VWA8: variants seen among roughly 807,000 people sequenced by gnomAD.
VWA8 encodes von Willebrand factor A domain containing 8.
In VWA8, 221 loss-of-function variants were observed where a neutral mutation model predicts 241.5. The observed-to-expected ratio is 0.91, with a 90% CI of 0.82 to 1.02. The LOEUF is 1.02. Ranked by LOEUF, VWA8 falls within the 50% of genes least tolerant of loss-of-function variation. The pLI is 0.00. For missense variants in VWA8, 2,322 were observed against 2,328.7 expected (o/e 1.00, Z 0.06); for synonymous variants, 852 against 827.1 (o/e 1.03, Z -0.52).
At chr13:41,718,555 T>G (rs923214257) in intron 26 of VWA8, among the ~76,000 whole-genome samples, 1 of 151,926 alleles carries the variant, frequency 6.6e-6, no homozygotes, top group African/African-American at 2.4e-5. Context: ...ATCTTATTCT[T>G]TTAACACAGA....
rs1214300709 is a variant in VWA8 at position 41,620,887 on chromosome 13, T to C, written c.4612-5803A>G. ...TCAAGTAAGTTCTCCGGACCTTCAT[T>C]TTCACATCAGAAACTAAGGAGGTTA... is the stretch of plus-strand genomic sequence containing the variant. On this transcript the variant is annotated intron_variant, in intron 37 of 44. Coordinates refer to ENST00000379310, the MANE Select transcript of VWA8 (RefSeq NM_015058.2). Among the ~76,000 whole-genome samples the C allele has an allele frequency of 2.6e-5, 4 of 152,328 alleles. 1 individual carries two copies. In the East Asian group the frequency reaches 7.7e-4, roughly 29 times the overall value.
Position 41,692,848 on chromosome 13 carries a change from G to A in VWA8, c.3675+14C>T, listed in dbSNP as rs764795370. The A allele has an allele frequency of 1.3e-6, 2 of 1,586,394 alleles. No individual in the cohort carries two copies. The highest frequency in any genetic ancestry group is 1.7e-6 in the Non-Finnish European group (2 of 1,156,930). ...ATCCTTGGCAATTTGTGGGACAAAT[G>A]TGGTGTTTCTTACAGCTTCTTCTTT... On this transcript the variant is annotated intron_variant, in intron 30 of 44. Transcript: ENST00000379310.
chr13:41,866,845 C>G (rs3904327), intron 10 of VWA8, among the ~76,000 whole-genome samples: 13,351 of 152,216 alleles, frequency 0.088, 712 homozygotes, highest in African/African-American at 0.15. Context: ...TAGTTTACCA[C>G]TGAGAGGCAT....
At chr13:41,795,808 G>A (rs1172322886) in intron 17 of VWA8, among the ~76,000 whole-genome samples, 3 of 152,080 alleles carry the variant, frequency 2.0e-5, no homozygotes, top group Non-Finnish European at 2.9e-5. Flanking sequence ...GGGCGGGTAG[G>A]GGGAGAGCAT....
chr13:41,848,559 G>A (rs1177770271), intron 12 of VWA8, among the ~76,000 whole-genome samples: 4 of 152,100 alleles, frequency 2.6e-5, no homozygotes, highest in Non-Finnish European at 5.9e-5. Context: ...GGTTTTATAA[G>A]CATCTGGCAT....
intron 4 of VWA8, among the ~76,000 whole-genome samples, chr13:41,897,996 C>T (rs148326411): frequency 0.013 from 1,954 of 152,192 alleles, 21 homozygotes; most frequent in Middle Eastern, 0.048. Context: ...AGGTTCTCCA[C>T]ATCCCCACCA....
chr13:41,648,501 C>T (rs997106149), intron 37 of VWA8, among the ~76,000 whole-genome samples: 2 of 152,132 alleles, frequency 1.3e-5, no homozygotes, highest in Admixed American at 6.5e-5. Flanking sequence ...AACAAAAGAT[C>T]CTTTCACAGT....
chr13:41,609,931 ACTT>A (rs1311672988), intron 39 of VWA8, among the ~76,000 whole-genome samples: 2 of 152,156 alleles, frequency 1.3e-5, no homozygotes, highest in Non-Finnish European at 2.9e-5. Flanking sequence ...GATGCCCCTT[ACTT>A]CTTCCCCTGT....
chr13:41,960,730 T>TC, intron 1 of VWA8, 123 bp downstream of exon 1: 1 of 1,333,272 alleles, frequency 7.5e-7, no homozygotes, highest in South Asian at 1.6e-5. Context: ...ATCTTTCAGC[T>TC]CCCCGCTCGG....
intron 20 of VWA8, among the ~76,000 whole-genome samples, chr13:41,766,439 G>T (rs981957416): frequency 2.0e-5 from 3 of 152,180 alleles, no homozygotes; most frequent in African/African-American, 4.8e-5. Context: ...GAATGCTGAA[G>T]GATTTGTAAC....
chr13:41,822,355 A>T (rs1406340735), intron 14 of VWA8, among the ~76,000 whole-genome samples: 4 of 152,178 alleles, frequency 2.6e-5, no homozygotes, highest in South Asian at 2.1e-4. Flanking sequence ...TCCATACTAC[A>T]ATACTAATGT....
In VWA8 at chr13:41,887,269, A is replaced by C. The variant is rs752841506; in HGVS notation, c.744T>G (p.Tyr248Ter). 1.7e-5 allele frequency: 28 copies of C among 1,613,772 alleles called. No homozygotes were observed. Among genetic ancestry groups the C allele is most frequent in the Non-Finnish European group, 2.3e-5 (27 of 1,179,948 alleles). ...GAGGGGGGTCTAATGGATTCCCAGA[A>C]TACCTTGGCACTGGCAAGCCCAAGG... Reference protein sequence around the residue: ...VIALGLPVPRYSGNPLDPPLR... With the variant: ...VIALGLPVPR The change falls in exon 6 of 45, where the codon TAT becomes TAG. Residue 248 changes from tyrosine to a stop codon, truncating the protein, a stop_gained. Coordinates refer to ENST00000379310, the MANE Select transcript of VWA8 (RefSeq NM_015058.2). LOFTEE classifies it high-confidence loss of function.
intron 21 of VWA8, among the ~76,000 whole-genome samples, chr13:41,750,903 T>C (rs1466045433): frequency 7.4e-6 from 1 of 135,540 alleles, no homozygotes; most frequent in Admixed American, 7.4e-5. Context: ...AAAAAAAAAC[T>C]CAAGCACAGT....
chr13:41,691,614 CTA>C (rs1467593207), intron 31 of VWA8, among the ~76,000 whole-genome samples, 169 bp from the exon 32 acceptor site: 1 of 151,930 alleles, frequency 6.6e-6, no homozygotes, highest in Admixed American at 6.6e-5. Context: ...AAATTCTAAA[CTA>C]TGTCAGGGTG....
chr13:41,622,852 A>C (rs1446529317), intron 37 of VWA8, among the ~76,000 whole-genome samples: 5 of 152,256 alleles, frequency 3.3e-5, no homozygotes, highest in Admixed American at 3.3e-4. Context: ...ATCCTGGAAG[A>C]AAAGTGAGCT....
At chr13:41,843,805 G>A (rs978087497) in intron 12 of VWA8, among the ~76,000 whole-genome samples, 3 of 151,926 alleles carry the variant, frequency 2.0e-5, no homozygotes, top group African/African-American at 4.8e-5. Flanking sequence ...ACTGAAACCC[G>A]AAACAGACCA....
At chr13:41,642,515 C>T (rs1593669067) in intron 37 of VWA8, among the ~76,000 whole-genome samples, 1 of 146,132 alleles carries the variant, frequency 6.8e-6, no homozygotes, top group South Asian at 2.2e-4. Context: ...GCCGAGATGG[C>T]GCCATTGCAC....
chr13:41,693,153 GAATT>G (rs1306400565), intron 29 of VWA8, among the ~76,000 whole-genome samples, 181 bp from the exon 30 acceptor site: 2 of 151,598 alleles, frequency 1.3e-5, no homozygotes, highest in Non-Finnish European at 2.9e-5. Flanking sequence ...GAATCACAAA[GAATT>G]AAGTGCTTCT....
chr13:41,749,113 A>G (rs2045633577), intron 21 of VWA8, among the ~76,000 whole-genome samples: 1 of 152,234 alleles, frequency 6.6e-6, no homozygotes, highest in African/African-American at 2.4e-5. Context: ...TACTCATCTG[A>G]CAAAGGGCTA....
Sources: gnomAD v4.1 joint callset for allele counts (sites outside exome capture counted in the v4.1 genomes callset) on GRCh38, gnomAD v4.1.1 for gene constraint, MANE v1.5 for transcripts, NCBI Gene and HGNC (gene_info 2026-07-23, HGNC 2026-07-21) for gene names.